Variants in ABRAXAS2 observed in about 807,000 individuals in gnomAD.
ABRAXAS2 encodes BRISC complex subunit Abraxas 2.
In ABRAXAS2, 23 loss-of-function variants were observed where a neutral mutation model predicts 49.0. The ratio of observed to expected loss-of-function variants is 0.47; its 90% CI spans 0.34 to 0.66. The LOEUF (loss-of-function observed/expected upper bound fraction) is 0.66, where lower values mean the gene tolerates loss of function less well. ABRAXAS2 is among the 30% of genes least tolerant of loss of function. The probability of loss-of-function intolerance (pLI) is 0.01; values close to 1 mark genes in which losing one functional copy is unlikely to be tolerated. For missense variants in ABRAXAS2, 443 were observed against 511.9 expected, an observed-to-expected ratio of 0.87 and a Z score of 1.30; for synonymous variants, 168 against 180.2, an observed-to-expected ratio of 0.93 and a Z score of 0.54.
chr10:124,824,210 C>G (rs1216186823), intron 4 of ABRAXAS2, among the ~76,000 whole-genome samples: 1 of 152,132 alleles, frequency 6.6e-6, no homozygotes, highest in African/African-American at 2.4e-5. Context: ...CCAGGAGAAT[C>G]TATTTAGAAC....
chr10:124,816,701 G>T, intron 3 of ABRAXAS2, 89 bp downstream of exon 3: 1 of 906,502 alleles, frequency 1.1e-6, no homozygotes. Flanking sequence ...GATTGTGGCT[G>T]TAAAGTCATG....
chr10:124,829,553 G>A (rs2134172166), intron 7 of ABRAXAS2, 76 bp downstream of exon 7: 1 of 974,980 alleles, frequency 1.0e-6, no homozygotes, highest in South Asian at 1.5e-5. Context: ...ATTTTGAATT[G>A]TCTTCCAACT....
chr10:124,820,277 G>A (rs779066059), intron 4 of ABRAXAS2, among the ~76,000 whole-genome samples: 17 of 152,130 alleles, frequency 1.1e-4, no homozygotes, highest in Non-Finnish European at 2.5e-4. Context: ...CTCCATCCTG[G>A]TAGTCTAACC....
At position 124,814,750 on chromosome 10, in the gene ABRAXAS2, A is replaced by G. The variant is rs529356847; in HGVS notation, c.164-1826A>G. Reference sequence around the variant, plus strand: ...CTGCAACCTCTGCCTCCTGGGTTCAAGCAGTTCTGCCTCAGCCTCCCGAGT... The same window carrying G: ...CTGCAACCTCTGCCTCCTGGGTTCAGGCAGTTCTGCCTCAGCCTCCCGAGT... On this transcript the variant is annotated intron_variant, in intron 2 of 8. Transcript: ENST00000298492. Among the ~76,000 whole-genome samples the G allele has an allele frequency of 3.3e-5, 5 of 151,938 alleles. No homozygotes were observed. The South Asian group carries it at 8.3e-4, about 25-fold the overall frequency.
intron 4 of ABRAXAS2, among the ~76,000 whole-genome samples, chr10:124,823,589 A>G (rs1950876395): frequency 6.6e-6 from 1 of 152,242 alleles, no homozygotes; most frequent in Non-Finnish European, 1.5e-5. Flanking sequence ...GCTAAAGACA[A>G]TAAACGTGCC....
At chr10:124,815,433 A>G (rs1485275114) in intron 2 of ABRAXAS2, among the ~76,000 whole-genome samples, 3 of 152,070 alleles carry the variant, frequency 2.0e-5, no homozygotes, top group Non-Finnish European at 2.9e-5. Context: ...TGACCTCGCA[A>G]TCCACCCACC....
intron 8 of ABRAXAS2, among the ~76,000 whole-genome samples, chr10:124,832,930 G>A (rs931568589): frequency 7.3e-5 from 11 of 151,482 alleles, no homozygotes; most frequent in Non-Finnish European, 1.2e-4. Context: ...GGTGGATCAC[G>A]AGGTCAGGAG....
chr10:124,803,291 C>G (rs111543713), intron 1 of ABRAXAS2, among the ~76,000 whole-genome samples: 6 of 152,174 alleles, frequency 3.9e-5, no homozygotes, highest in African/African-American at 1.2e-4. Flanking sequence ...TTCACCAATG[C>G]CAATAGTTTG....
At chr10:124,806,453 C>T (rs1034635816) in intron 1 of ABRAXAS2, among the ~76,000 whole-genome samples, 1 of 152,156 alleles carries the variant, frequency 6.6e-6, no homozygotes, top group African/African-American at 2.4e-5. Flanking sequence ...TCATCATCAG[C>T]GATGTTTTTA....
intron 4 of ABRAXAS2, 152 bp downstream of exon 4, chr10:124,819,602 GA>G (rs1018827834): frequency 5.9e-6 from 4 of 679,692 alleles, no homozygotes; most frequent in East Asian, 2.8e-5. Context: ...TGTATTAATA[GA>G]AAAAAATTTA....
At chr10:124,831,194 T>A (rs1319962974) in intron 7 of ABRAXAS2, among the ~76,000 whole-genome samples, 155 bp from the exon 8 acceptor site, 1 of 152,168 alleles carries the variant, frequency 6.6e-6, no homozygotes, top group Non-Finnish European at 1.5e-5. Context: ...ACAATTCTAG[T>A]CTTTTGGGCT....
At chr10:124,831,840 GTCTTTTTTTTTTTTTTT>G (rs1950934976) in intron 8 of ABRAXAS2, among the ~76,000 whole-genome samples, 1 of 106,208 alleles carries the variant, frequency 9.4e-6, no homozygotes, top group Non-Finnish European at 1.8e-5. Context: ...ACTGTGTCCT[GTCTTTTTTTTTTTTTTT>G]TTTTTTTTTT....
intron 4 of ABRAXAS2, among the ~76,000 whole-genome samples, chr10:124,819,864 T>C (rs562535820): frequency 6.6e-5 from 10 of 152,258 alleles, no homozygotes; most frequent in African/African-American, 2.4e-4. Context: ...CATTTGCATA[T>C]GATGTTCTAG....
At chr10:124,817,593 G>T (rs1950832820) in intron 3 of ABRAXAS2, among the ~76,000 whole-genome samples, 1 of 151,990 alleles carries the variant, frequency 6.6e-6, no homozygotes, top group Non-Finnish European at 1.5e-5. Context: ...TTCTTGATCA[G>T]CAGTTCCTTC....
chr10:124,801,955 G>A, intron 1 of ABRAXAS2, 54 bp downstream of exon 1: 2 of 1,579,378 alleles, frequency 1.3e-6, no homozygotes, highest in South Asian at 1.1e-5. Flanking sequence ...CTCTGTCTCA[G>A]GCCGGCGCTC....
At chr10:124,829,289 G>A in intron 6 of ABRAXAS2, 104 bp from the exon 7 acceptor site, 1 of 761,890 alleles carries the variant, frequency 1.3e-6, no homozygotes, top group Non-Finnish European at 2.3e-6. Context: ...TCACCTCGGA[G>A]TCACAGCATT....
rs751182846 is a variant in ABRAXAS2, at chr10:124,834,805, C to T, written c.1082C>T (p.Pro361Leu). 2 of 1,614,100 alleles carry T rather than the reference C, an allele frequency of 1.2e-6. No individual in the cohort carries two copies. Among genetic ancestry groups the T allele is most frequent in the Admixed American group, 1.7e-5 (1 of 59,994 alleles). The change falls in exon 9 of 9, where the codon CCC becomes CTC. Residue 361 changes from proline to leucine, a missense_variant. Around this residue, in one of 3 missense-constraint regions of ABRAXAS2, gnomAD observed 230 missense variants for 237.0 expected, o/e 0.97. Transcript: ENST00000298492. Reference protein sequence around the residue: ...YPGSGADLPPPQRAAGDSGED... With the variant: ...YPGSGADLPPLQRAAGDSGED... The stretch of plus-strand genomic sequence containing the variant: ...GGAAGTGGGGCTGACCTTCCTCCTC[C>T]CCAAAGAGCAGCTGGAGACAGTGGT...
intron 8 of ABRAXAS2, among the ~76,000 whole-genome samples, chr10:124,834,045 A>G (rs1035514357): frequency 6.6e-6 from 1 of 152,206 alleles, no homozygotes; most frequent in Non-Finnish European, 1.5e-5. Flanking sequence ...GAGGCTGCCA[A>G]AGAAAGAATC....
chr10:124,813,166 A>G (rs1950800891), intron 2 of ABRAXAS2, among the ~76,000 whole-genome samples: 1 of 152,222 alleles, frequency 6.6e-6, no homozygotes, highest in South Asian at 2.1e-4. Context: ...GTGCCACTGC[A>G]CTCCAGCCTG....
Sources: gnomAD v4.1 joint callset for allele counts (sites outside exome capture counted in the v4.1 genomes callset) on GRCh38, gnomAD v4.1.1 for gene constraint, gnomAD v4.1.1 regional missense constraint, MANE v1.5 for transcripts, NCBI Gene and HGNC (gene_info 2026-07-23, HGNC 2026-07-21) for gene names.